The following LGALS12 variants were observed in gnomAD, a reference collection of about 807,000 sequenced individuals.
The protein encoded by LGALS12 is galectin 12.
Under a neutral mutation model 36.8 loss-of-function variants are expected in LGALS12, and 36 were observed. That is an observed-to-expected ratio of 0.98 (90% CI 0.75 to 1.29). LGALS12 has a LOEUF of 1.29. Among genes scored for constraint, LGALS12 ranks in the 50% most tolerant of loss-of-function variants. LGALS12 has a pLI of 0.00. For missense variants in LGALS12, 366 were observed against 394.3 expected (o/e 0.93, Z 0.61); for synonymous variants, 145 against 155.9 (o/e 0.93, Z 0.52).
chr11:63,506,648 G>C (rs12272556), intron 1 of LGALS12, 121 bp downstream of exon 1: 554,299 of 1,308,478 alleles, frequency 0.42, 125,428 homozygotes, highest in Non-Finnish European at 0.46. Flanking sequence ...CCCAGCACCT[G>C]CCCTGGGTTC....
At position 63,514,533 on chromosome 11, in the gene LGALS12, T is replaced by C. The variant is rs557658627; in HGVS notation, c.648-1030T>C. ...TTGCAGTGAGCCGAGATCGTGCCAC[T>C]GCACTCCAGCTTGGTGACAGAGCAA... is the stretch of plus-strand genomic sequence containing the variant. On this transcript the variant is annotated intron_variant, in intron 7 of 8. Coordinates refer to ENST00000394618, the MANE Select transcript of LGALS12 (RefSeq NM_033101.4). Among the ~76,000 whole-genome samples, 61 of 152,260 alleles carry C rather than the reference T, an allele frequency of 4.0e-4. 1 individual carries two copies. In the South Asian group the frequency reaches 0.013, roughly 32 times the overall value.
chr11:63,508,441 T>C, intron 1 of LGALS12, 112 bp from the exon 2 acceptor site: 1 of 1,494,188 alleles, frequency 6.7e-7, no homozygotes. Context: ...AATTTTCTGT[T>C]TGGAGAGGAA....
intron 3 of LGALS12, 78 bp from the exon 4 acceptor site, chr11:63,509,700 C>T (rs1227697208): frequency 4.6e-6 from 7 of 1,528,682 alleles, no homozygotes; most frequent in South Asian, 3.6e-5. Flanking sequence ...GGAAAAAGTG[C>T]TTGGCAATGC....
intron 4 of LGALS12, 28 bp downstream of exon 4, chr11:63,509,925 G>A (rs1320505402): frequency 6.2e-7 from 1 of 1,607,548 alleles, no homozygotes; most frequent in African/African-American, 1.3e-5. Context: ...CAAGGCCTGG[G>A]CAGTGGCAGC....
chr11:63,508,695 G>C (rs371479883), intron 2 of LGALS12, 54 bp downstream of exon 2: 5 of 1,613,292 alleles, frequency 3.1e-6, no homozygotes, highest in African/African-American at 1.3e-5. Flanking sequence ...TAGAGGCATC[G>C]AGCTGGAGGG....
At chr11:63,514,242 T>C (rs529197386) in intron 7 of LGALS12, among the ~76,000 whole-genome samples, 7 of 152,108 alleles carry the variant, frequency 4.6e-5, no homozygotes, top group Non-Finnish European at 7.3e-5. Flanking sequence ...CCAGCATAGC[T>C]CTTCAAGAAG....
intron 6 of LGALS12, 56 bp from the exon 7 acceptor site, chr11:63,511,696 G>A (rs2016927018): frequency 1.1e-5 from 15 of 1,309,500 alleles, no homozygotes; most frequent in East Asian, 2.3e-5. Context: ...GGGGATGGGC[G>A]GTCCTCCCCA....
At position 63,511,789 on chromosome 11, in the gene LGALS12, C is replaced by T. The variant is rs749846190; in HGVS notation, c.596C>T (p.Ser199Leu). The T allele has an allele frequency of 5.6e-6, 9 of 1,613,588 alleles. No homozygotes were observed. Among genetic ancestry groups the T allele is most frequent in the Admixed American group, 3.3e-5 (2 of 60,004 alleles). ...PCSHALPQGL[S>L]PGQVIIVRGL... ...TCACATGCTCTTCCCCAGGGTCTCT[C>T]GCCTGGGCAGGTCATCATAGTACGG... Residue 199 changes from serine (S) to leucine (L), a missense_variant, in exon 7 of 9, where the codon TCG becomes TTG. Ser to Leu is a moderately radical substitution (Grantham distance 145). Coordinates refer to ENST00000394618, the MANE Select transcript of LGALS12 (RefSeq NM_033101.4).
intron 1 of LGALS12, chr11:63,508,338 T>C: frequency 4.9e-6 from 7 of 1,414,154 alleles, no homozygotes; most frequent in Non-Finnish European, 6.4e-6. Flanking sequence ...ATTTGACTTC[T>C]CTGGTGTAAT....
Position 63,511,753 on chromosome 11 carries a change from A to T in LGALS12, c.560A>T (p.Glu187Val), listed in dbSNP as rs2016929439. The T allele has an allele frequency of 6.2e-7, 1 of 1,611,388 alleles. No individual in the cohort carries two copies. The highest frequency in any genetic ancestry group is 8.5e-7 in the Non-Finnish European group (1 of 1,178,004). ...HPFLLMSPRL[E>V]VPCSHALPQG... ...TCAATACCTCCCTTGTTCCTTCAGG[A>T]GGTGCCCTGCTCACATGCTCTTCCC... is the stretch of plus-strand genomic sequence containing the variant. The change falls in exon 7 of 9, where the codon GAG becomes GTG. Residue 187 changes from glutamate (E) to valine (V), a missense_variant and splice_region_variant. By Grantham distance (121) the Glu-to-Val change is moderately radical (BLOSUM62 -2). Coordinates refer to ENST00000394618, the MANE Select transcript of LGALS12 (RefSeq NM_033101.4).
At chr11:63,510,229 T>A (rs2016877719) in intron 4 of LGALS12, among the ~76,000 whole-genome samples, 1 of 152,320 alleles carries the variant, frequency 6.6e-6, no homozygotes, top group South Asian at 2.1e-4. Flanking sequence ...TCCCACCTGA[T>A]GGGCTTATTA....
chr11:63,507,917 T>C (rs1049623036), intron 1 of LGALS12: 2 of 443,032 alleles, frequency 4.5e-6, no homozygotes, highest in African/African-American at 4.3e-5. Flanking sequence ...TTTGTATTTT[T>C]AGTAGAGATA....
At chr11:63,513,505 A>ACTCT (rs1474724795) in intron 7 of LGALS12, among the ~76,000 whole-genome samples, 1 of 152,012 alleles carries the variant, frequency 6.6e-6, no homozygotes, top group Non-Finnish European at 1.5e-5. Flanking sequence ...TTTTATATAA[A>ACTCT]CTCTCTCAAT....
Position 63,516,227 on chromosome 11 carries a change from C to A in LGALS12, c.799-20C>A. Reference sequence around the variant, plus strand: ...AAGTCTGGCTGGAAGCTGCAACCCCCTCATGTCCTCCTTTCCCAGGTGCTG... The same window carrying A: ...AAGTCTGGCTGGAAGCTGCAACCCCATCATGTCCTCCTTTCCCAGGTGCTG... On this transcript the variant is annotated intron_variant, in intron 8 of 8. Coordinates refer to ENST00000394618, the MANE Select transcript of LGALS12 (RefSeq NM_033101.4). 6.5e-7 allele frequency: 1 copy of A among 1,543,832 alleles called. No homozygotes were observed. The highest frequency in any genetic ancestry group is 8.7e-7 in the Non-Finnish European group (1 of 1,149,714).
intron 1 of LGALS12, among the ~76,000 whole-genome samples, chr11:63,506,871 C>A (rs2016757450): frequency 6.6e-6 from 1 of 152,088 alleles, no homozygotes; most frequent in Non-Finnish European, 1.5e-5. Flanking sequence ...CAGTCTCATC[C>A]CCAGCCTGGA....
chr11:63,507,152 C>G (rs2016764597), intron 1 of LGALS12, among the ~76,000 whole-genome samples: 1 of 152,236 alleles, frequency 6.6e-6, no homozygotes, highest in Non-Finnish European at 1.5e-5. Context: ...CTGAACCAAC[C>G]AGCTGAGCTT....
chr11:63,515,512 G>A, intron 7 of LGALS12, 51 bp from the exon 8 acceptor site: 1 of 1,602,626 alleles, frequency 6.2e-7, no homozygotes. Flanking sequence ...CTGAGCAGCG[G>A]CCTATGGGCA....
At chr11:63,514,607 C>T (rs17158401) in intron 7 of LGALS12, among the ~76,000 whole-genome samples, 6,244 of 152,120 alleles carry the variant, frequency 0.041, 280 homozygotes, top group African/African-American at 0.11. Flanking sequence ...TAATATAATC[C>T]GGTTGCCCTA....
rs2016825950 is a variant in LGALS12 at position 63,508,816 on chromosome 11, C to A, written c.197C>A (p.Pro66His). The A allele has an allele frequency of 6.2e-7, 1 of 1,614,208 alleles. No individual in the cohort carries two copies. Among genetic ancestry groups the A allele is most frequent in the Non-Finnish European group, 8.5e-7 (1 of 1,180,034 alleles). Residue 66 changes from proline (P) to histidine (H), a missense_variant, in exon 3 of 9, where the codon CCC becomes CAC. Pro to His is a moderately conservative substitution (Grantham distance 77). Transcript: ENST00000394618. Reference protein sequence around the residue: ...VDFQCGCSLCPRPDIAFHFNP... With the variant: ...VDFQCGCSLCHRPDIAFHFNP... ...TTCCAGTGTGGCTGCAGCCTGTGTC[C>A]CCGGCCAGATATCGCCTTCCACTTC...
Sources: allele counts gnomAD v4.1 joint callset (sites outside exome capture counted in the v4.1 genomes callset), GRCh38; gene constraint gnomAD v4.1.1; transcripts MANE v1.5; gene names NCBI Gene and HGNC (gene_info 2026-07-23, HGNC 2026-07-21).